The following PCDH15 variants were observed in gnomAD, a reference collection of about 807,000 sequenced individuals.
PCDH15 encodes protocadherin related 15.
A neutral mutation model predicts 178.5 loss-of-function variants in PCDH15; 129 were observed. That is an observed-to-expected ratio of 0.72 (90% confidence interval 0.63 to 0.84). The LOEUF (loss-of-function observed/expected upper bound fraction) is 0.84, where lower values mean the gene tolerates loss of function less well. Ranked by LOEUF, PCDH15 falls within the 40% of genes least tolerant of loss-of-function variation. The pLI is 0.00. For missense variants in PCDH15, 2,230 were observed against 2,099.9 expected, an observed-to-expected ratio of 1.06 and a Z score of -1.21; for synonymous variants, 800 against 732.0, an observed-to-expected ratio of 1.09 and a Z score of -1.50.
At chr10:54,797,536 A>ACACACACACACACACACACACG (rs1952164606) in intron 1 of PCDH15, among the ~76,000 whole-genome samples, 1 of 151,688 alleles carries the variant, frequency 6.6e-6, no homozygotes, top group African/African-American at 2.4e-5. Context: ...ACACACACAC[A>ACACACACACACACACACACACG]CACACACACA....
chr10:54,519,883 G>C (rs947889072), intron 3 of PCDH15, among the ~76,000 whole-genome samples: 1 of 152,126 alleles, frequency 6.6e-6, no homozygotes, highest in African/African-American at 2.4e-5. Context: ...CAATGGAACA[G>C]AACAGAGCCC....
intron 2 of PCDH15, among the ~76,000 whole-genome samples, chr10:55,104,883 A>G (rs1215466856): frequency 6.6e-6 from 1 of 152,176 alleles, no homozygotes; most frequent in African/African-American, 2.4e-5. Context: ...ATCACATTTT[A>G]CTGTGATATC....
chr10:55,331,514 C>T (rs984831309), intron 2 of PCDH15, among the ~76,000 whole-genome samples: 1 of 151,948 alleles, frequency 6.6e-6, no homozygotes, highest in Non-Finnish European at 1.5e-5. Context: ...TCTTGAAAAC[C>T]TAAAGAAAGC....
intron 3 of PCDH15, among the ~76,000 whole-genome samples, chr10:54,854,422 C>T (rs757899812): frequency 8.5e-5 from 13 of 152,152 alleles, no homozygotes; most frequent in Non-Finnish European, 1.5e-4. Context: ...AGTTATTGTC[C>T]TGTGCCCAGG....
intron 5 of PCDH15, among the ~76,000 whole-genome samples, chr10:54,364,209 G>GA (rs34783984): frequency 1.5e-3 from 218 of 140,682 alleles, no homozygotes; most frequent in East Asian, 7.1e-3. Context: ...GCAAAACTCT[G>GA]AAAAAAAAAA....
At chr10:55,603,513 A>G (rs1046943240) in intron 2 of PCDH15, among the ~76,000 whole-genome samples, 19 of 152,102 alleles carry the variant, frequency 1.2e-4, no homozygotes, top group African/African-American at 4.3e-4. Flanking sequence ...GGTTACCCTC[A>G]AAGGGAAGCC....
chr10:55,503,160 AAGTTCTAGGTTTC>A (rs1295255261), intron 2 of PCDH15, among the ~76,000 whole-genome samples: 3 of 151,276 alleles, frequency 2.0e-5, no homozygotes, highest in African/African-American at 4.8e-5. Context: ...ATTATGAGTT[AAGTTCTAGGTTTC>A]AGAGTGGGAC....
At chr10:54,394,442 A>G (rs1041927100) in intron 3 of PCDH15, among the ~76,000 whole-genome samples, 2 of 152,150 alleles carry the variant, frequency 1.3e-5, no homozygotes, top group Non-Finnish European at 2.9e-5. Flanking sequence ...GTGATGCCCC[A>G]CAAGCCACAA....
At chr10:55,596,184 A>G (rs1842931830) in intron 2 of PCDH15, among the ~76,000 whole-genome samples, 1 of 152,186 alleles carries the variant, frequency 6.6e-6, no homozygotes, top group Non-Finnish European at 1.5e-5. Context: ...CAAAAATAAT[A>G]AAATTAAAAA....
intron 3 of PCDH15, among the ~76,000 whole-genome samples, chr10:54,858,069 C>G (rs184516654): frequency 1.6e-3 from 244 of 152,214 alleles, no homozygotes; most frequent in African/African-American, 5.6e-3. Context: ...AACCTTATAC[C>G]TTCTGACTAG....
intron 1 of PCDH15, among the ~76,000 whole-genome samples, chr10:54,715,638 C>G (rs1352042555): frequency 6.6e-6 from 1 of 152,044 alleles, no homozygotes; most frequent in Non-Finnish European, 1.5e-5. Flanking sequence ...TTTTGATGCA[C>G]CATATCTCCT....
chr10:54,086,862 A>AAAAGG (rs1193523658), intron 16 of PCDH15, among the ~76,000 whole-genome samples: 1 of 152,224 alleles, frequency 6.6e-6, no homozygotes, highest in East Asian at 1.9e-4. Context: ...AATTTAGACT[A>AAAAGG]AAAGGATTTT....
intron 2 of PCDH15, among the ~76,000 whole-genome samples, chr10:54,633,009 A>G (rs893679882): frequency 1.3e-5 from 2 of 152,180 alleles, no homozygotes; most frequent in African/African-American, 2.4e-5. Flanking sequence ...ACTTACCTGT[A>G]CAAATGAAAT....
At chr10:54,972,584 C>T (rs576267781) in intron 2 of PCDH15, among the ~76,000 whole-genome samples, 1 of 151,692 alleles carries the variant, frequency 6.6e-6, no homozygotes, top group Non-Finnish European at 1.5e-5. Flanking sequence ...CGTGGTGGCT[C>T]ACGCCTGTAA....
intron 25 of PCDH15, among the ~76,000 whole-genome samples, chr10:53,915,014 G>T (rs2083424149): frequency 6.6e-6 from 1 of 152,054 alleles, no homozygotes; most frequent in Non-Finnish European, 1.5e-5. Context: ...AAAACAAAAT[G>T]ATCATCTGAG....
At chr10:55,160,446 T>C (rs898492450) in intron 2 of PCDH15, among the ~76,000 whole-genome samples, 7 of 151,802 alleles carry the variant, frequency 4.6e-5, no homozygotes, top group Admixed American at 4.0e-4. Context: ...CAAATAATGC[T>C]TTTTTTGGTC....
At chr10:54,519,664 T>C (rs922123754) in intron 3 of PCDH15, among the ~76,000 whole-genome samples, 3 of 152,054 alleles carry the variant, frequency 2.0e-5, no homozygotes, top group Non-Finnish European at 4.4e-5. Context: ...TTCAATGCCA[T>C]CCCCATCAAG....
chr10:55,137,632 T>G (rs190647781), intron 2 of PCDH15, among the ~76,000 whole-genome samples: 2 of 152,112 alleles, frequency 1.3e-5, no homozygotes, highest in East Asian at 3.9e-4. Flanking sequence ...ATTAATTAGT[T>G]GAAACAGGTC....
intron 2 of PCDH15, among the ~76,000 whole-genome samples, chr10:55,019,849 A>G (rs143109916): frequency 6.6e-6 from 1 of 152,098 alleles, no homozygotes; most frequent in Non-Finnish European, 1.5e-5. Flanking sequence ...CTGTTTCAAT[A>G]CTCAACACAA....
Sources: gnomAD v4.1 joint callset for allele counts (sites outside exome capture counted in the v4.1 genomes callset) on GRCh38, gnomAD v4.1.1 for gene constraint, MANE v1.5 for transcripts, NCBI Gene and HGNC (gene_info 2026-07-23, HGNC 2026-07-21) for gene names.